OPCML: variants seen among roughly 807,000 people sequenced by gnomAD.
OPCML encodes the protein opioid binding protein/cell adhesion molecule like.
A neutral mutation model predicts 37.8 loss-of-function variants in OPCML; 13 were observed. The ratio of observed to expected loss-of-function variants is 0.34; its 90% CI spans 0.22 to 0.55. The LOEUF (loss-of-function observed/expected upper bound fraction) is 0.55. OPCML is among the 20% of genes least tolerant of loss of function. OPCML has a pLI of 0.91. For missense variants in OPCML, 341 were observed against 435.6 expected, an observed-to-expected ratio of 0.78 and a Z score of 1.93; for synonymous variants, 176 against 168.8, an observed-to-expected ratio of 1.04 and a Z score of -0.33.
At chr11:133,292,345 A>G (rs944743845) in intron 1 of OPCML, among the ~76,000 whole-genome samples, 1 of 151,986 alleles carries the variant, frequency 6.6e-6, no homozygotes, top group Non-Finnish European at 1.5e-5. Context: ...TCTTTCCAAT[A>G]CCCAGAAAAT....
At chr11:132,439,467 G>C (rs1247471313) in intron 4 of OPCML, among the ~76,000 whole-genome samples, 2 of 152,210 alleles carry the variant, frequency 1.3e-5, no homozygotes, top group Non-Finnish European at 2.9e-5. Flanking sequence ...TAATGATCCA[G>C]GCTAGTTCAT....
chr11:133,019,379 T>G (rs937938953), intron 1 of OPCML, among the ~76,000 whole-genome samples: 10 of 152,194 alleles, frequency 6.6e-5, no homozygotes, highest in East Asian at 5.8e-4. Context: ...TCTGAACCAG[T>G]CCCCTCCAGT....
At chr11:132,952,745 G>A (rs1250547921) in intron 1 of OPCML, among the ~76,000 whole-genome samples, 6 of 152,102 alleles carry the variant, frequency 3.9e-5, no homozygotes, top group Admixed American at 2.6e-4. Flanking sequence ...TGTGAGCGGC[G>A]TGCATGAGAG....
chr11:132,637,150 T>TC (rs1940554842), intron 3 of OPCML, among the ~76,000 whole-genome samples: 1 of 151,882 alleles, frequency 6.6e-6, no homozygotes, highest in African/African-American at 2.4e-5. Flanking sequence ...TTTTTTTTTT[T>TC]TTAACTGAAT....
chr11:133,171,309 A>G (rs1252483547), intron 1 of OPCML, among the ~76,000 whole-genome samples: 1 of 152,050 alleles, frequency 6.6e-6, no homozygotes, highest in Non-Finnish European at 1.5e-5. Context: ...CTTCTTGTCC[A>G]CTTTTCCAAA....
At chr11:133,364,434 T>C (rs915088857) in intron 1 of OPCML, among the ~76,000 whole-genome samples, 3 of 152,216 alleles carry the variant, frequency 2.0e-5, no homozygotes. Context: ...CCTATTGTTC[T>C]AATTAGACTG....
chr11:132,766,493 G>C (rs1946447170), intron 2 of OPCML, among the ~76,000 whole-genome samples: 1 of 152,074 alleles, frequency 6.6e-6, no homozygotes, highest in Non-Finnish European at 1.5e-5. Flanking sequence ...TATAACCTGA[G>C]TCCAGGACAT....
chr11:132,482,352 C>T (rs962178386), intron 4 of OPCML, among the ~76,000 whole-genome samples: 27 of 151,898 alleles, frequency 1.8e-4, no homozygotes, highest in Non-Finnish European at 3.1e-4. Context: ...CACATACACT[C>T]TCCCAAGACT....
chr11:133,316,258 G>A (rs927878429), intron 1 of OPCML, among the ~76,000 whole-genome samples: 4 of 152,072 alleles, frequency 2.6e-5, no homozygotes, highest in Admixed American at 6.5e-5. Context: ...AGGTAAAGTC[G>A]GAGAAGCAAC....
chr11:133,264,871 G>A (rs1286390785), intron 1 of OPCML, among the ~76,000 whole-genome samples: 1 of 152,168 alleles, frequency 6.6e-6, no homozygotes, highest in African/African-American at 2.4e-5. Flanking sequence ...CGGAGGGAGG[G>A]TTCTAATATT....
intron 1 of OPCML, among the ~76,000 whole-genome samples, chr11:133,010,862 G>A (rs1947199714): frequency 6.6e-6 from 1 of 152,198 alleles, no homozygotes; most frequent in Non-Finnish European, 1.5e-5. Flanking sequence ...AATAGAAGAT[G>A]AGGAACATGA....
intron 2 of OPCML, among the ~76,000 whole-genome samples, chr11:132,660,782 G>A (rs1456006372): frequency 6.6e-6 from 1 of 152,110 alleles, no homozygotes; most frequent in Non-Finnish European, 1.5e-5. Context: ...CTTCAAGACT[G>A]ATACCCTGCT....
At chr11:133,244,804 T>C (rs773820193) in intron 1 of OPCML, among the ~76,000 whole-genome samples, 1 of 152,228 alleles carries the variant, frequency 6.6e-6, no homozygotes, top group Non-Finnish European at 1.5e-5. Context: ...ATGCCTCCTG[T>C]ACAGCTGTTG....
intron 1 of OPCML, among the ~76,000 whole-genome samples, chr11:133,038,439 C>T (rs1947824517): frequency 6.6e-6 from 1 of 152,156 alleles, no homozygotes; most frequent in Non-Finnish European, 1.5e-5. Flanking sequence ...CCAACATGGG[C>T]TATGACTATC....
chr11:133,215,660 G>T (rs1373709546), intron 1 of OPCML, among the ~76,000 whole-genome samples: 1 of 152,120 alleles, frequency 6.6e-6, no homozygotes. Context: ...GTTGGCAGGG[G>T]CAGAATTGCA....
At chr11:133,530,845 C>A (rs1426540551) in intron 1 of OPCML, among the ~76,000 whole-genome samples, 1 of 152,178 alleles carries the variant, frequency 6.6e-6, no homozygotes, top group Admixed American at 6.5e-5. Flanking sequence ...CAGTAAACTT[C>A]CATTTTTCTG....
chr11:133,144,603 G>T (rs956622265), intron 1 of OPCML, among the ~76,000 whole-genome samples: 2 of 152,192 alleles, frequency 1.3e-5, no homozygotes, highest in African/African-American at 4.8e-5. Context: ...CACAGTCAAA[G>T]CTTCGTAAGC....
At chr11:132,642,541 G>A (rs1394670899) in intron 3 of OPCML, among the ~76,000 whole-genome samples, 1 of 152,194 alleles carries the variant, frequency 6.6e-6, no homozygotes, top group Non-Finnish European at 1.5e-5. Flanking sequence ...ATGCTTTTAT[G>A]TGATAAAATC....
intron 1 of OPCML, among the ~76,000 whole-genome samples, chr11:133,303,752 GGAT>G (rs1484771636): frequency 6.6e-6 from 1 of 151,962 alleles, no homozygotes; most frequent in Admixed American, 6.6e-5. Context: ...TGAAATGTGG[GGAT>G]GATGAGAACT....
Sources: gnomAD v4.1 joint callset for allele counts (sites outside exome capture counted in the v4.1 genomes callset) on GRCh38, gnomAD v4.1.1 for gene constraint, MANE v1.5 for transcripts, NCBI Gene and HGNC (gene_info 2026-07-23, HGNC 2026-07-21) for gene names.